Variants in DDX39A observed in about 807,000 individuals in gnomAD.
DDX39A encodes DExD-box helicase 39A.
Under a neutral mutation model 46.3 loss-of-function variants are expected in DDX39A, and 13 were observed. That is an observed-to-expected ratio of 0.28 (90% CI 0.18 to 0.45). The LOEUF (loss-of-function observed/expected upper bound fraction) is 0.45. DDX39A is among the 20% of genes least tolerant of loss of function. The probability of loss-of-function intolerance (pLI) is 1.00; values close to 1 mark genes in which losing one functional copy is unlikely to be tolerated. For missense variants in DDX39A, 352 were observed against 581.8 expected (o/e 0.61, Z 4.06); for synonymous variants, 234 against 224.6 (o/e 1.04, Z -0.38).
Position 14,411,113 on chromosome 19 carries a change from GTTC to G in DDX39A, c.486_488del (p.Lys162del), listed in dbSNP as rs1191026482. 6.8e-6 allele frequency: 11 copies of G among 1,610,492 alleles called. No individual in the cohort carries two copies. Among genetic ancestry groups the G allele is most frequent in the Non-Finnish European group, 9.3e-6 (11 of 1,178,750 alleles). On this transcript the variant is annotated inframe_deletion, in exon 5 of 11. Transcript: ENST00000242776. The surrounding 1 kb of genome is among the most constrained non-coding windows in gnomAD (Gnocchi z 4.1). ...GGGTCCCCACCACGACATGGGGACA[GTTC>G]TTCTTCAACACTTCTTCATCCTTCT...
chr19:14,412,877 G>A lies in DDX39A; in HGVS notation c.208+136C>T, dbSNP rs980649262. ...GCCGAGGGCAGCCACAGGCCCCGCT[G>A]GGCACAACTGATCCGCGGGACAGAC... On this transcript the variant is annotated intron_variant, in intron 2 of 10. Coordinates refer to ENST00000242776, the MANE Select transcript of DDX39A (RefSeq NM_005804.4). The surrounding 1 kb of genome is among the most constrained non-coding windows in gnomAD (Gnocchi z 4.4). 1 of 1,273,740 alleles carries A rather than the reference G, an allele frequency of 7.9e-7. No individual in the cohort carries two copies. The highest frequency in any genetic ancestry group is 1.1e-6 in the Non-Finnish European group (1 of 927,708). 78.9% of individuals were successfully genotyped at this position (1,273,740 alleles called of 1,614,324 possible). A position where few individuals can be genotyped will look rare whatever the true frequency, so the allele number is the denominator to read the frequency against.
At position 14,409,211 on chromosome 19, in the gene DDX39A, G is replaced by A. The variant is rs1976443144; in HGVS notation, c.1120-27C>T. The A allele has an allele frequency of 1.9e-6, 3 of 1,614,012 alleles. No homozygotes were observed. The highest frequency in any genetic ancestry group is 2.2e-5 in the East Asian group (1 of 44,886). ...TGCAGGCAGACAGGATCAGGGTCAG[G>A]CCACAGATACTACCTCAGGACTTGA... On this transcript the variant is annotated intron_variant, in intron 9 of 10. Coordinates refer to ENST00000242776, the MANE Select transcript of DDX39A (RefSeq NM_005804.4). The surrounding 1 kb of genome is among the most constrained non-coding windows in gnomAD (Gnocchi z 8.3).
chr19:14,410,498 T>TG lies in DDX39A; in HGVS notation c.614-165dup, dbSNP rs1976536412. 4 of 652,032 alleles carry TG rather than the reference T, an allele frequency of 6.1e-6. No homozygotes were observed. Among genetic ancestry groups the TG allele is most frequent in the South Asian group, 1.7e-5 (1 of 58,684 alleles). 40.4% of individuals were successfully genotyped at this position (652,032 alleles called of 1,614,324 possible). On this transcript the variant is annotated intron_variant, in intron 5 of 10. Transcript: ENST00000242776. This position sits in a 1 kb window ranked among gnomAD's most constrained non-coding sequence, Gnocchi z 4.3. ...TGGCCAGTCCTGGTGCCTGAGGGGC[T>TG]GGGGGGTGGCCAGCGAGCGCAGGCG...
intron 1 of DDX39A, among the ~76,000 whole-genome samples, chr19:14,417,126 T>C (rs930063740): frequency 1.3e-5 from 2 of 151,896 alleles, no homozygotes; most frequent in Non-Finnish European, 2.9e-5. Context: ...GGAAAACCAG[T>C]CACCAAATAA....
At position 14,411,330 on chromosome 19, in the gene DDX39A, G is replaced by A. The variant is rs1204022739; in HGVS notation, c.430-158C>T. Reference sequence around the variant, plus strand: ...AAGGCAGCCCCAGGCTGGGACCTGCGCAGGCCCCTGGGAGCCATGCATAAT... The same window carrying A: ...AAGGCAGCCCCAGGCTGGGACCTGCACAGGCCCCTGGGAGCCATGCATAAT... On this transcript the variant is annotated intron_variant, in intron 4 of 10. Coordinates refer to ENST00000242776, the MANE Select transcript of DDX39A (RefSeq NM_005804.4). This position sits in a 1 kb window ranked among gnomAD's most constrained non-coding sequence, Gnocchi z 4.1. The A allele has an allele frequency of 3.9e-6, 4 of 1,027,654 alleles. No individual in the cohort carries two copies. Among genetic ancestry groups the A allele is most frequent in the South Asian group, 1.6e-5 (1 of 63,992 alleles). The allele number at this position is 1,027,654 out of a possible 1,614,324, so 63.7% of individuals were successfully genotyped here.
rs777907332 is a variant in DDX39A at position 14,413,132 on chromosome 19, G to A, written c.89C>T (p.Pro30Leu). 9.3e-6 allele frequency: 15 copies of A among 1,614,010 alleles called. No individual in the cohort carries two copies. In the South Asian group the frequency reaches 1.4e-4, roughly 15 times the overall value. ...GTAGGATCCCTTGATGTCTTTCTTA[G>A]GGGGAGCTGGTGTGCTCTCTTGAGG... ...QAPQESTPAPPKKDIKGSYVS... is the reference protein window; with the variant it reads ...QAPQESTPAPLKKDIKGSYVS... The change falls in exon 2 of 11, where the codon CCT becomes CTT. Residue 30 changes from proline (P) to leucine (L), a missense_variant. Physicochemically the swap from Pro to Leu is moderately conservative, Grantham distance 98. Around this residue, in one of 3 missense-constraint regions of DDX39A, gnomAD observed 46 missense variants for 78.2 expected, o/e 0.59. Coordinates refer to ENST00000242776, the MANE Select transcript of DDX39A (RefSeq NM_005804.4).
rs372469313 is a variant in DDX39A at position 14,409,728 on chromosome 19, G to A, written c.864+14C>T. ...AAGGTCCTGAGCCCCAGGACAGGCT[G>A]ATGGAAGTATCACCTGGTTAAACTC... On this transcript the variant is annotated intron_variant, in intron 7 of 10. Transcript: ENST00000242776. The surrounding 1 kb of genome is among the most constrained non-coding windows in gnomAD (Gnocchi z 8.3). 9 of 1,614,010 alleles carry A rather than the reference G, an allele frequency of 5.6e-6. No homozygotes were observed. In the African/African-American group the frequency reaches 6.7e-5, roughly 12 times the overall value.
At position 14,413,229 on chromosome 19, in the gene DDX39A, GAAGA is replaced by G. The variant is rs757568372; in HGVS notation, c.-4-9_-4-6del. 54 of 1,612,444 alleles carry G rather than the reference GAAGA, an allele frequency of 3.3e-5. No homozygotes were observed. Among genetic ancestry groups the G allele is most frequent in the South Asian group, 3.3e-4 (30 of 90,972 alleles). On this transcript the variant is annotated splice_region_variant and splice_polypyrimidine_tract_variant and intron_variant, in intron 1 of 10. Coordinates refer to ENST00000242776, the MANE Select transcript of DDX39A (RefSeq NM_005804.4). Reference sequence around the variant, plus strand: ...ACATCCTGTTCTGCCATGATGCTGAGAAGAGAGAGAGGCAGGGTCCCGCGAGTGG... The same window carrying G: ...ACATCCTGTTCTGCCATGATGCTGAGGAGAGAGGCAGGGTCCCGCGAGTGG...
chr19:14,418,120 CAAAAAAA>C (rs60701169), intron 1 of DDX39A, among the ~76,000 whole-genome samples: 261 of 52,360 alleles, frequency 5.0e-3, no homozygotes, highest in Non-Finnish European at 8.0e-3. Flanking sequence ...GGCTCTGTCT[CAAAAAAA>C]AAAAAAAAAA....
At chr19:14,414,087 G>C (rs1419043002) in intron 1 of DDX39A, 11 of 152,066 alleles carry the variant, frequency 7.2e-5, no homozygotes, top group Admixed American at 7.2e-4. Flanking sequence ...GACTCCAGTG[G>C]GGGGTGGAGC....
chr19:14,419,214 G>C, intron 1 of DDX39A, 56 bp downstream of exon 1: 1 of 321,514 alleles, frequency 3.1e-6, no homozygotes, highest in South Asian at 2.2e-5. Context: ...TCGTCCTCTC[G>C]CTCTCAGTTC....
At chr19:14,413,644 C>T (rs1976683630) in intron 1 of DDX39A, among the ~76,000 whole-genome samples, 1 of 152,190 alleles carries the variant, frequency 6.6e-6, no homozygotes, top group Non-Finnish European at 1.5e-5. Flanking sequence ...GGTCTCTGCA[C>T]AAATGCCTCC....
chr19:14,409,525 C>T lies in DDX39A; in HGVS notation c.974+11G>A. Reference sequence around the variant, plus strand: ...TGCTCCCTGCAGCCTTGGCGGGCGGCTCGCACTCACCGCTCCTCCTGGGCC... The same window carrying T: ...TGCTCCCTGCAGCCTTGGCGGGCGGTTCGCACTCACCGCTCCTCCTGGGCC... On this transcript the variant is annotated intron_variant, in intron 8 of 10. Coordinates refer to ENST00000242776, the MANE Select transcript of DDX39A (RefSeq NM_005804.4). This position sits in a 1 kb window ranked among gnomAD's most constrained non-coding sequence, Gnocchi z 8.3. The T allele has an allele frequency of 6.2e-7, 1 of 1,609,066 alleles. No homozygotes were observed. The highest frequency in any genetic ancestry group is 8.5e-7 in the Non-Finnish European group (1 of 1,178,682).
chr19:14,416,694 T>G (rs375871860), intron 1 of DDX39A, among the ~76,000 whole-genome samples: 201 of 152,140 alleles, frequency 1.3e-3, no homozygotes, highest in African/African-American at 4.6e-3. Context: ...TTGTTTGTTT[T>G]TTTGTTTTTT....
At chr19:14,413,811 G>C (rs1015860807) in intron 1 of DDX39A, among the ~76,000 whole-genome samples, 2 of 152,282 alleles carry the variant, frequency 1.3e-5, no homozygotes, top group African/African-American at 4.8e-5. Context: ...GGTGGGAACT[G>C]AGTTTGCGAG....
In DDX39A at chr19:14,412,426, T is replaced by G. The variant is rs1459478039; in HGVS notation, c.336+125A>C. ...ACACTGCAGCCTCGACTTCCTGGGC[T>G]CAAGCAATCCTCCAGCCTCAGCTTC... On this transcript the variant is annotated intron_variant, in intron 3 of 10. Coordinates refer to ENST00000242776, the MANE Select transcript of DDX39A (RefSeq NM_005804.4). This position sits in a 1 kb window ranked among gnomAD's most constrained non-coding sequence, Gnocchi z 4.4. The G allele has an allele frequency of 3.6e-6, 5 of 1,374,858 alleles. No homozygotes were observed. Among genetic ancestry groups the G allele is most frequent in the Non-Finnish European group, 4.9e-6 (5 of 1,015,966 alleles). The allele number at this position is 1,374,858 out of a possible 1,614,324, so 85.2% of individuals were successfully genotyped here. A position where few individuals can be genotyped will look rare whatever the true frequency, so the allele number is the denominator to read the frequency against.
At position 14,411,632 on chromosome 19, in the gene DDX39A, AG is replaced by A; in HGVS notation, c.337-35del. The A allele has an allele frequency of 9.6e-7, 1 of 1,036,286 alleles. No individual in the cohort carries two copies. The highest frequency in any genetic ancestry group is 1.7e-5 in the African/African-American group (1 of 57,412). The allele number at this position is 1,036,286 out of a possible 1,614,324, so 64.2% of individuals were successfully genotyped here. On this transcript the variant is annotated intron_variant, in intron 3 of 10. Transcript: ENST00000242776. This position sits in a 1 kb window ranked among gnomAD's most constrained non-coding sequence, Gnocchi z 4.1. ...TGGCATAAGAAGAGGGCCTTACCTT[AG>A]GCAGTGTCCTAAACCCCTTCCCCAC...
At chr19:14,414,203 T>C (rs1247401174) in intron 1 of DDX39A, among the ~76,000 whole-genome samples, 1 of 151,936 alleles carries the variant, frequency 6.6e-6, no homozygotes, top group Non-Finnish European at 1.5e-5. Flanking sequence ...AGCAATTCCA[T>C]TGTCTCAATG....
chr19:14,410,844 C>CT lies in DDX39A; in HGVS notation c.613+144dup. 1 of 774,908 alleles carries CT rather than the reference C, an allele frequency of 1.3e-6. No homozygotes were observed. Among genetic ancestry groups the CT allele is most frequent in the Non-Finnish European group, 2.0e-6 (1 of 509,280 alleles). The allele number at this position is 774,908 out of a possible 1,614,324, so 48.0% of individuals were successfully genotyped here. A position where few individuals can be genotyped will look rare whatever the true frequency, so the allele number is the denominator to read the frequency against. On this transcript the variant is annotated intron_variant, in intron 5 of 10. Transcript: ENST00000242776. The surrounding 1 kb of genome is among the most constrained non-coding windows in gnomAD (Gnocchi z 4.3). Reference sequence around the variant, plus strand: ...TCGGGCTCAGAAACAGCACATCCCTCTGCCAGCAGCAGAGCTTTCCCCAAG... The same window carrying CT: ...TCGGGCTCAGAAACAGCACATCCCTCTTGCCAGCAGCAGAGCTTTCCCCAAG...
Sources: gnomAD v4.1 joint callset for allele counts (sites outside exome capture counted in the v4.1 genomes callset) on GRCh38, gnomAD v4.1.1 for gene constraint, gnomAD v4.1.1 regional missense constraint, Gnocchi (gnomAD v3.1) non-coding constraint, MANE v1.5 for transcripts, NCBI Gene and HGNC (gene_info 2026-07-23, HGNC 2026-07-21) for gene names.